The following AHI1 variants were observed in gnomAD, a reference collection of about 807,000 sequenced individuals.
The protein encoded by AHI1 is Abelson helper integration site 1.
A neutral mutation model predicts 149.3 loss-of-function variants in AHI1; 123 were observed. The ratio of observed to expected loss-of-function variants is 0.82; its 90% CI spans 0.71 to 0.96. AHI1 has a LOEUF of 0.96. Ranked by LOEUF, AHI1 falls within the 40% of genes least tolerant of loss-of-function variation. AHI1 has a pLI of 0.00. For synonymous variants in AHI1, 475 were observed against 459.8 expected, an observed-to-expected ratio of 1.03 and a Z score of -0.42; for missense variants, 1,439 against 1,422.7, an observed-to-expected ratio of 1.01 and a Z score of -0.18.
chr6:135,453,687 T>C (rs2128071776), intron 10 of AHI1, among the ~76,000 whole-genome samples: 1 of 152,280 alleles, frequency 6.6e-6, no homozygotes, highest in South Asian at 2.1e-4. Flanking sequence ...AAAGTGTTAA[T>C]CACCTCAAAT....
At chr6:135,302,449 G>C (rs1291086797) in intron 26 of AHI1, 12 of 1,005,256 alleles carry the variant, frequency 1.2e-5, no homozygotes, top group Non-Finnish European at 1.4e-5. Flanking sequence ...TGCTAAGCCT[G>C]TTCATGTGAA....
Position 135,347,308 on chromosome 6 carries a change from T to C in AHI1, c.3165+10824A>G, listed in dbSNP as rs188219722. Among the ~76,000 whole-genome samples the C allele has an allele frequency of 3.5e-3, 528 of 152,326 alleles. 5 individuals carry two copies. Among genetic ancestry groups the C allele is most frequent in the African/African-American group, 0.012 (504 of 41,570 alleles). ...AATATATAGTATGTAGCAGGGCTTT[T>C]AAAAATATACATTGTTTCATACATG... is the stretch of plus-strand genomic sequence containing the variant. On this transcript the variant is annotated intron_variant, in intron 24 of 28. Transcript: ENST00000265602.
At chr6:135,369,923 T>G (rs1774774021) in intron 23 of AHI1, among the ~76,000 whole-genome samples, 1 of 152,164 alleles carries the variant, frequency 6.6e-6, no homozygotes, top group African/African-American at 2.4e-5. Context: ...TTGCACTCCT[T>G]TTGCTCATGG....
chr6:135,292,937 G>A (rs1782549311), intron 27 of AHI1, among the ~76,000 whole-genome samples: 1 of 152,036 alleles, frequency 6.6e-6, no homozygotes, highest in Admixed American at 6.6e-5. Flanking sequence ...AGCTTAAGAT[G>A]TTACAAAAAA....
chr6:135,328,305 A>G (rs777867702), intron 24 of AHI1, among the ~76,000 whole-genome samples: 1 of 152,226 alleles, frequency 6.6e-6, no homozygotes, highest in Non-Finnish European at 1.5e-5. Context: ...GGTTTGTGGC[A>G]ACCCTGCATT....
intron 21 of AHI1, among the ~76,000 whole-genome samples, chr6:135,409,708 C>G (rs1007282834): frequency 5.3e-5 from 8 of 152,076 alleles, no homozygotes; most frequent in African/African-American, 1.7e-4. Flanking sequence ...TTTCTCCCCC[C>G]CATTATATCT....
intron 23 of AHI1, among the ~76,000 whole-genome samples, chr6:135,364,297 G>C (rs1247387011): frequency 6.6e-6 from 1 of 151,510 alleles, no homozygotes. Flanking sequence ...GACGATGGGC[G>C]GCCGGGCAGA....
At chr6:135,372,615 G>C (rs1451890188) in intron 23 of AHI1, among the ~76,000 whole-genome samples, 9 of 152,164 alleles carry the variant, frequency 5.9e-5, no homozygotes, top group Non-Finnish European at 1.2e-4. Context: ...GGGAGGTCAA[G>C]GCTTCAGTGA....
intron 12 of AHI1, 43 bp from the exon 13 acceptor site, chr6:135,447,203 C>A (rs376716091): frequency 2.6e-5 from 35 of 1,333,306 alleles, no homozygotes; most frequent in Non-Finnish European, 3.0e-5. Context: ...ACCATGTTCA[C>A]CTTTTTCTTT....
intron 14 of AHI1, among the ~76,000 whole-genome samples, chr6:135,438,719 A>G (rs1383955161): frequency 6.6e-6 from 1 of 152,136 alleles, no homozygotes; most frequent in Admixed American, 6.5e-5. Flanking sequence ...TAATTTTGCT[A>G]CAATTATCAA....
At chr6:135,398,548 G>A (rs1216329889) in intron 22 of AHI1, among the ~76,000 whole-genome samples, 9 of 152,160 alleles carry the variant, frequency 5.9e-5, no homozygotes, top group African/African-American at 1.9e-4. Context: ...AGGACTGGTG[G>A]TTCACAGATT....
Position 135,290,393 on chromosome 6 carries a change from A to G in AHI1, c.3588+30T>C, listed in dbSNP as rs770957959. ...CTAAATCTTTTCCTGTTGACAACAT[A>G]GCGCAACTTTCTATTGGTTTTCCCC... On this transcript the variant is annotated intron_variant, in intron 28 of 28. Transcript: ENST00000265602. The G allele has an allele frequency of 3.4e-5, 42 of 1,234,214 alleles. No individual in the cohort carries two copies. In the Admixed American group the frequency reaches 7.1e-4, roughly 21 times the overall value. 76.5% of individuals were successfully genotyped at this position (1,234,214 alleles called of 1,614,324 possible).
intron 21 of AHI1, 30 bp downstream of exon 21, chr6:135,411,318 T>C: frequency 6.3e-7 from 1 of 1,588,188 alleles, no homozygotes; most frequent in Non-Finnish European, 8.6e-7. Flanking sequence ...GAAATAGTTT[T>C]AAAGTTTCAA....
intron 15 of AHI1, 128 bp downstream of exon 15, chr6:135,438,247 C>T: frequency 1.2e-6 from 1 of 814,808 alleles, no homozygotes; most frequent in Non-Finnish European, 1.7e-6. Flanking sequence ...CTGCATGATG[C>T]ATATTTATGA....
At chr6:135,356,295 T>C (rs1195242962) in intron 24 of AHI1, among the ~76,000 whole-genome samples, 1 of 152,204 alleles carries the variant, frequency 6.6e-6, no homozygotes, top group Non-Finnish European at 1.5e-5. Flanking sequence ...CTCCTTTTTT[T>C]CCTCCCTAAA....
At position 135,361,446 on chromosome 6, in the gene AHI1, C is replaced by A. The variant is rs543403540; in HGVS notation, c.3110-3259G>T. ...TCCTGAAAAATCTTTAGTAGGGATT[C>A]ATTTACAAAGAATGTTTTGCTGGGT... On this transcript the variant is annotated intron_variant, in intron 23 of 28. Coordinates refer to ENST00000265602, the MANE Select transcript of AHI1 (RefSeq NM_001134831.2). Among the ~76,000 whole-genome samples, 7 of 152,162 alleles carry A rather than the reference C, an allele frequency of 4.6e-5. No individual in the cohort carries two copies. In the South Asian group the frequency reaches 1.5e-3, roughly 32 times the overall value.
At chr6:135,364,081 A>G (rs1794470931) in intron 23 of AHI1, among the ~76,000 whole-genome samples, 1 of 147,756 alleles carries the variant, frequency 6.8e-6, no homozygotes, top group African/African-American at 2.5e-5. Context: ...TGACCCCCCC[A>G]CCTCCCTCCC....
intron 5 of AHI1, among the ~76,000 whole-genome samples, chr6:135,473,563 T>C (rs1014306910): frequency 6.6e-6 from 1 of 152,170 alleles, no homozygotes; most frequent in East Asian, 1.9e-4. Flanking sequence ...AGAAGTCTCC[T>C]GGCATTGATT....
intron 5 of AHI1, among the ~76,000 whole-genome samples, chr6:135,472,532 T>C (rs951167361): frequency 6.6e-6 from 1 of 152,228 alleles, no homozygotes. Context: ...CTGTGCTACA[T>C]GGTAAACAGA....
Sources: allele counts gnomAD v4.1 joint callset (sites outside exome capture counted in the v4.1 genomes callset), GRCh38; gene constraint gnomAD v4.1.1; transcripts MANE v1.5; gene names NCBI Gene and HGNC (gene_info 2026-07-23, HGNC 2026-07-21).